Variants in CACNA1H observed in about 807,000 individuals in gnomAD.
The protein encoded by CACNA1H is calcium voltage-gated channel subunit alpha1 H, also known as voltage-dependent T-type calcium channel subunit alpha-1H.
CACNA1H carries 149 observed loss-of-function variants against 192.5 expected under a neutral mutation model. That is an observed-to-expected ratio of 0.77 (90% CI 0.68 to 0.89). The LOEUF (loss-of-function observed/expected upper bound fraction) is 0.89. CACNA1H is among the 40% of genes least tolerant of loss of function. The pLI is 0.00. For synonymous variants in CACNA1H, 2,202 were observed against 1,475.2 expected (o/e 1.49, Z -11.29); for missense variants, 4,257 against 3,423.5 (o/e 1.24, Z -6.08).
At chr16:1,163,044 G>T (rs993163009) in intron 2 of CACNA1H, among the ~76,000 whole-genome samples, 80 of 152,244 alleles carry the variant, frequency 5.3e-4, no homozygotes, top group African/African-American at 1.9e-3. Context: ...GGGCTCGTCT[G>T]ACTCTGTGTT....
At chr16:1,205,589 G>A (rs1428073387) in intron 11 of CACNA1H, among the ~76,000 whole-genome samples, 1 of 152,224 alleles carries the variant, frequency 6.6e-6, no homozygotes, top group Non-Finnish European at 1.5e-5. Context: ...AGGGCCGAGC[G>A]AGAAAGACCA....
In CACNA1H at chr16:1,200,731, G is replaced by A. The variant is rs1967761068; in HGVS notation, c.1135G>A (p.Gly379Ser). 3 of 1,562,090 alleles carry A rather than the reference G, an allele frequency of 1.9e-6. No homozygotes were observed. Among genetic ancestry groups the A allele is most frequent in the African/African-American group, 2.7e-5 (2 of 73,396 alleles). The change falls in exon 8 of 35, where the codon GGC becomes AGC. Residue 379 changes from glycine (G) to serine (S), a missense_variant. By Grantham distance (56) the Gly-to-Ser change is moderately conservative (BLOSUM62 0). Transcript: ENST00000348261. ...GCCCCCCCAGGTGATCACGCTGGAA[G>A]GCTGGGTGGACATCATGTACTACGT... ...IAIFQVITLE[G>S]WVDIMYYVMD...
chr16:1,195,182 G>A (rs1596381409), intron 3 of CACNA1H, 99 bp downstream of exon 3: 2 of 963,714 alleles, frequency 2.1e-6, no homozygotes, highest in East Asian at 2.5e-5. Context: ...TTCAAGGTGG[G>A]GCGTGGAGTG....
At chr16:1,217,671 T>C (rs2141390019) in intron 31 of CACNA1H, among the ~76,000 whole-genome samples, 1 of 152,078 alleles carries the variant, frequency 6.6e-6, no homozygotes, top group East Asian at 1.9e-4. Flanking sequence ...TAATGATTCT[T>C]CCATGGCAGC....
chr16:1,154,338 G>A lies in CACNA1H; in HGVS notation c.299+302G>A, dbSNP rs545660975. On this transcript the variant is annotated intron_variant, in intron 2 of 34. Transcript: ENST00000348261. Reference sequence around the variant, plus strand: ...TTGGAGGGGAGAGGAGTCGGGGAGGGAGGGAAGGTCCTAACTCCTCGCGGC... The same window carrying A: ...TTGGAGGGGAGAGGAGTCGGGGAGGAAGGGAAGGTCCTAACTCCTCGCGGC... 3.4e-3 allele frequency among the ~76,000 whole-genome samples: 519 copies of A among 152,264 alleles called. 7 individuals are homozygous for A. Among genetic ancestry groups the A allele is most frequent in the South Asian group, 0.029 (140 of 4,830 alleles).
chr16:1,204,367 G>A lies in CACNA1H; in HGVS notation c.2360G>A (p.Arg787His), dbSNP rs368917321. The A allele has an allele frequency of 1.3e-5, 21 of 1,571,716 alleles. No homozygotes were observed. The highest frequency in any genetic ancestry group is 2.7e-5 in the African/African-American group (2 of 74,038). ...TGGGTTACCTTCAGCGGCAAGCTGC[G>A]CCGCATCGTGGACAGCAAGTACTTC... ...RLWVTFSGKL[R>H]RIVDSKYFSR... The change falls in exon 10 of 35, where the codon CGC becomes CAC. Residue 787 changes from arginine (R) to histidine (H), a missense_variant. Transcript: ENST00000348261.
chr16:1,154,014 T>C lies in CACNA1H; in HGVS notation c.277T>C (p.Cys93Arg). The change falls in exon 2 of 35, where the codon TGC (cysteine) becomes CGC (arginine). Residue 93 changes from cysteine (C) to arginine (R), a missense_variant. Transcript: ENST00000348261. ...LGQTTRPRSW[C>R]LRLVCNPWFE... The stretch of plus-strand genomic sequence containing the variant: ...TCAGACCACGCGGCCGCGCAGCTGG[T>C]GCCTCCGGCTGGTCTGCAACCCATA... The C allele has an allele frequency of 8.2e-7, 1 of 1,222,134 alleles. No homozygotes were observed. Among genetic ancestry groups the C allele is most frequent in the Non-Finnish European group, 1.0e-6 (1 of 959,452 alleles). The allele number at this position is 1,222,134 out of a possible 1,614,324, so 75.7% of individuals were successfully genotyped here.
chr16:1,212,400 A>C, intron 25 of CACNA1H, 111 bp from the exon 26 acceptor site: 3 of 1,203,890 alleles, frequency 2.5e-6, no homozygotes, highest in Non-Finnish European at 3.5e-6. Flanking sequence ...TCCTCACTCC[A>C]CGAGGAGCCA....
chr16:1,207,071 A>C lies in CACNA1H; in HGVS notation c.2860A>C (p.Arg954=), dbSNP rs754944955. The change falls in exon 13 of 35, where the codon AGG becomes CGG. Residue 954 remains arginine, a synonymous_variant. Transcript: ENST00000348261. ...AGACACCGGAGACACCGTGCCTGAC[A>C]GGAAGAACTTCGACTCCCTGCTGTG... The part of the protein sequence containing the change: ...KTDTGDTVPD[R]KNFDSLLWAI... The C allele has an allele frequency of 3.1e-6, 5 of 1,602,846 alleles. No homozygotes were observed. The African/African-American group carries it at 6.7e-5, about 21-fold the overall frequency.
At chr16:1,157,489 C>A (rs985610598) in intron 2 of CACNA1H, among the ~76,000 whole-genome samples, 1 of 152,124 alleles carries the variant, frequency 6.6e-6, no homozygotes, top group African/African-American at 2.4e-5. Flanking sequence ...TCTGAACACT[C>A]GGCGCTGGGG....
At chr16:1,185,142 A>C (rs979063452) in intron 2 of CACNA1H, among the ~76,000 whole-genome samples, 5 of 152,178 alleles carry the variant, frequency 3.3e-5, no homozygotes, top group Non-Finnish European at 7.3e-5. Context: ...TCTTCCCAGC[A>C]TCATGTTCCC....
At chr16:1,182,712 G>C (rs904152598) in intron 2 of CACNA1H, among the ~76,000 whole-genome samples, 4 of 152,130 alleles carry the variant, frequency 2.6e-5, no homozygotes, top group Admixed American at 1.3e-4. Context: ...GGTTGGCTGG[G>C]AGAGGCCAGG....
chr16:1,208,884 C>G (rs1969081543), intron 16 of CACNA1H, 148 bp from the exon 17 acceptor site: 6 of 864,210 alleles, frequency 6.9e-6, no homozygotes, highest in Non-Finnish European at 9.8e-6. Flanking sequence ...TCGGTGTCCC[C>G]CTAAAATCAC....
intron 2 of CACNA1H, among the ~76,000 whole-genome samples, chr16:1,174,777 T>C (rs954725194): frequency 2.0e-5 from 3 of 152,222 alleles, no homozygotes; most frequent in African/African-American, 7.2e-5. Context: ...GATCGAGTCG[T>C]TGGTGGATCG....
chr16:1,176,879 G>A (rs1476631765), intron 2 of CACNA1H, among the ~76,000 whole-genome samples: 2 of 152,170 alleles, frequency 1.3e-5, no homozygotes, highest in Non-Finnish European at 2.9e-5. Context: ...TAAGGATGAT[G>A]TGGCTTTCTG....
At chr16:1,177,526 G>A (rs1010368225) in intron 2 of CACNA1H, among the ~76,000 whole-genome samples, 69 of 152,160 alleles carry the variant, frequency 4.5e-4, no homozygotes, top group African/African-American at 1.5e-3. Context: ...AGAGTGGAAC[G>A]AGCTCCAAGT....
chr16:1,171,839 G>C (rs1325883336), intron 2 of CACNA1H, among the ~76,000 whole-genome samples: 1 of 152,234 alleles, frequency 6.6e-6, no homozygotes, highest in Admixed American at 6.5e-5. Flanking sequence ...AGCTGGGTCT[G>C]AGGCGTCTGT....
intron 2 of CACNA1H, among the ~76,000 whole-genome samples, chr16:1,158,284 C>T (rs890837409): frequency 6.6e-6 from 1 of 152,188 alleles, no homozygotes; most frequent in Admixed American, 6.5e-5. Context: ...GGGGAGGGGC[C>T]TTCCCACTCA....
chr16:1,206,416 C>G (rs943714361), intron 12 of CACNA1H, 127 bp downstream of exon 12: 3 of 837,302 alleles, frequency 3.6e-6, no homozygotes, highest in African/African-American at 3.4e-5. Context: ...TCTGCAGACA[C>G]TCGGCCTCTG....
Sources: allele counts gnomAD v4.1 joint callset (sites outside exome capture counted in the v4.1 genomes callset), GRCh38; gene constraint gnomAD v4.1.1; transcripts MANE v1.5; gene names NCBI Gene and HGNC (gene_info 2026-07-23, HGNC 2026-07-21).